The following GRIN2A variants were observed in gnomAD, a reference collection of about 807,000 sequenced individuals.
The protein encoded by GRIN2A is glutamate receptor ionotropic, NMDA 2A.
GRIN2A carries 22 observed loss-of-function variants against 113.4 expected under a neutral mutation model. The observed-to-expected ratio is 0.19, with a 90% CI of 0.14 to 0.28. GRIN2A has a LOEUF of 0.28. Among genes scored for constraint, GRIN2A ranks in the 10% least tolerant of loss-of-function variants. The pLI is 1.00. For synonymous variants in GRIN2A, 827 were observed against 738.4 expected (o/e 1.12, Z -1.94); for missense variants, 1,502 against 1,887.0 (o/e 0.80, Z 3.78).
intron 2 of GRIN2A, among the ~76,000 whole-genome samples, chr16:10,145,310 G>C (rs1327581591): frequency 6.6e-6 from 1 of 152,122 alleles, no homozygotes; most frequent in South Asian, 2.1e-4. Flanking sequence ...TCTTAAGAGA[G>C]ATCTCATCTC....
rs746978701 is a variant in GRIN2A at position 9,768,909 on chromosome 16, C to T, written c.2537G>A (p.Arg846His). The change falls in exon 12 of 13, where the codon CGC becomes CAC. Residue 846 changes from arginine to histidine, a missense_variant. By Grantham distance (29) the Arg-to-His change is conservative (BLOSUM62 0). Around this residue, in one of 7 missense-constraint regions of GRIN2A, gnomAD observed 832 missense variants for 789.7 expected, o/e 1.05. Coordinates refer to ENST00000330684, the MANE Select transcript of GRIN2A (RefSeq NM_001134407.3). Reference sequence around the variant, plus strand: ...GGAGCACACGCCCGTGAAACAGAAGCGCAGCTTCCAGTAGAAGAGGTGCTC... The same window carrying T: ...GGAGCACACGCCCGTGAAACAGAAGTGCAGCTTCCAGTAGAAGAGGTGCTC... ...IWEHLFYWKL[R>H]FCFTGVCSDR... The T allele has an allele frequency of 3.7e-6, 6 of 1,614,172 alleles. No individual in the cohort carries two copies. The highest frequency in any genetic ancestry group is 4.2e-6 in the Non-Finnish European group (5 of 1,180,008).
chr16:9,845,108 C>T (rs147831675), intron 5 of GRIN2A, among the ~76,000 whole-genome samples: 9 of 152,190 alleles, frequency 5.9e-5, no homozygotes, highest in East Asian at 5.8e-4. Flanking sequence ...ATTGCTCTCA[C>T]GAGTCAGACT....
intron 2 of GRIN2A, among the ~76,000 whole-genome samples, chr16:10,068,081 G>C (rs28465345): frequency 1.3e-5 from 2 of 152,196 alleles, no homozygotes; most frequent in Non-Finnish European, 2.9e-5. Flanking sequence ...CATAGCAGCT[G>C]TTTCCATGAA....
intron 2 of GRIN2A, among the ~76,000 whole-genome samples, chr16:10,083,282 C>A (rs917400952): frequency 6.6e-6 from 1 of 152,216 alleles, no homozygotes; most frequent in Non-Finnish European, 1.5e-5. Flanking sequence ...TTTCTTCCAA[C>A]CGCAGACTCC....
At chr16:10,167,846 G>C (rs1028536986) in intron 2 of GRIN2A, among the ~76,000 whole-genome samples, 3 of 152,166 alleles carry the variant, frequency 2.0e-5, no homozygotes, top group Admixed American at 2.0e-4. Flanking sequence ...GGGGGGATGT[G>C]GGGGAATAGG....
At chr16:9,884,625 T>C (rs1221932252) in intron 4 of GRIN2A, among the ~76,000 whole-genome samples, 4 of 151,626 alleles carry the variant, frequency 2.6e-5, no homozygotes, top group Non-Finnish European at 5.9e-5. Context: ...TCTCAAAGCA[T>C]TTTTTTTCAG....
chr16:9,813,189 T>A (rs1428399372), intron 10 of GRIN2A, among the ~76,000 whole-genome samples: 1 of 152,232 alleles, frequency 6.6e-6, no homozygotes, highest in African/African-American at 2.4e-5. Flanking sequence ...AATTAATTAA[T>A]ATTCCTCTAG....
Position 9,867,705 on chromosome 16 carries a change from C to T in GRIN2A, c.1123-17744G>A, listed in dbSNP as rs990192162. Among the ~76,000 whole-genome samples, 3 of 152,204 alleles carry T rather than the reference C, an allele frequency of 2.0e-5. No homozygotes were observed. The East Asian group carries it at 5.8e-4, about 29-fold the overall frequency. ...CTGCCCTAGACTGTCAGGACACTAC[C>T]ATTACCCAACTGTTTCCCACCTCGT... is the stretch of plus-strand genomic sequence containing the variant. On this transcript the variant is annotated intron_variant, in intron 4 of 12. Coordinates refer to ENST00000330684, the MANE Select transcript of GRIN2A (RefSeq NM_001134407.3).
intron 5 of GRIN2A, among the ~76,000 whole-genome samples, chr16:9,844,319 T>C (rs538257878): frequency 5.9e-5 from 9 of 152,278 alleles, no homozygotes; most frequent in Admixed American, 1.3e-4. Flanking sequence ...ACTAAGTGCC[T>C]ACTGTGCACA....
intron 2 of GRIN2A, among the ~76,000 whole-genome samples, chr16:10,049,446 C>T (rs886231653): frequency 1.3e-4 from 19 of 151,778 alleles, no homozygotes; most frequent in Admixed American, 9.8e-4. Context: ...GGTGCGATCT[C>T]GGCTCACTGT....
rs572085042 is a variant in GRIN2A, at chr16:9,890,927, C to A, written c.1122+59G>T. Reference sequence around the variant, plus strand: ...CGTGGGAGAAAGAAGCACTGTGAGCCCCTTTATTGCCCATGCTTTCTTCCC... The same window carrying A: ...CGTGGGAGAAAGAAGCACTGTGAGCACCTTTATTGCCCATGCTTTCTTCCC... On this transcript the variant is annotated intron_variant, in intron 4 of 12. Transcript: ENST00000330684. 1.1e-5 allele frequency: 11 copies of A among 1,013,312 alleles called. No individual in the cohort carries two copies. In the East Asian group the frequency reaches 2.6e-4, roughly 24 times the overall value. The allele number at this position is 1,013,312 out of a possible 1,614,324, so 62.8% of individuals were successfully genotyped here.
chr16:9,923,820 T>C (rs1424313397), intron 3 of GRIN2A, among the ~76,000 whole-genome samples: 1 of 150,762 alleles, frequency 6.6e-6, no homozygotes, highest in East Asian at 1.9e-4. Context: ...TAAAATGATT[T>C]CATTGTTTAA....
At chr16:9,828,542 A>C (rs527605489) in intron 9 of GRIN2A, among the ~76,000 whole-genome samples, 10 of 152,346 alleles carry the variant, frequency 6.6e-5, no homozygotes, top group African/African-American at 2.4e-4. Context: ...AATTATCCCC[A>C]CACACAGAAC....
At chr16:9,920,715 C>A (rs1053623432) in intron 3 of GRIN2A, among the ~76,000 whole-genome samples, 1 of 151,960 alleles carries the variant, frequency 6.6e-6, no homozygotes, top group Non-Finnish European at 1.5e-5. Flanking sequence ...TACAGGTGCA[C>A]GCCACCACTC....
rs1900329730 is a variant in GRIN2A, at chr16:9,755,822, A to G, written c.*7327T>C. 9.9e-6 allele frequency: 2 copies of G among 202,232 alleles called. No individual in the cohort carries two copies. Among genetic ancestry groups the G allele is most frequent in the Admixed American group, 1.2e-4 (2 of 16,706 alleles). The allele number at this position is 202,232 out of a possible 1,614,324, so 12.5% of individuals were successfully genotyped here. A position where few individuals can be genotyped will look rare whatever the true frequency, so the allele number is the denominator to read the frequency against. On this transcript the variant is annotated 3_prime_UTR_variant, in exon 13 of 13. Coordinates refer to ENST00000330684, the MANE Select transcript of GRIN2A (RefSeq NM_001134407.3). ...ACCGTCATTATCCTAATGCTAAGTG[A>G]GCCGGGAATTATCTCTAAGACAATT...
chr16:9,822,519 T>G, intron 9 of GRIN2A, 95 bp from the exon 10 acceptor site: 1 of 859,666 alleles, frequency 1.2e-6, no homozygotes, highest in Non-Finnish European at 2.0e-6. Flanking sequence ...GTGATCATTT[T>G]GTCTGGTGTT....
intron 4 of GRIN2A, among the ~76,000 whole-genome samples, chr16:9,886,323 GA>G (rs1369381352): frequency 6.6e-6 from 1 of 152,154 alleles, no homozygotes; most frequent in East Asian, 1.9e-4. Flanking sequence ...ATCAGGATTT[GA>G]AAGATGGATA....
In GRIN2A at chr16:9,853,800, T is replaced by G. The variant is rs2042923264; in HGVS notation, c.1123-3839A>C. Among the ~76,000 whole-genome samples the G allele has an allele frequency of 2.6e-5, 4 of 152,278 alleles. No homozygotes were observed. In the South Asian group the frequency reaches 8.3e-4, roughly 32 times the overall value. ...ATAATGAACCTCCGTATTCCCAATGTCCAGCTTCAATAATTAGTACTCATG... is the reference window on the plus strand; with the variant it reads ...ATAATGAACCTCCGTATTCCCAATGGCCAGCTTCAATAATTAGTACTCATG... On this transcript the variant is annotated intron_variant, in intron 4 of 12. Coordinates refer to ENST00000330684, the MANE Select transcript of GRIN2A (RefSeq NM_001134407.3).
At chr16:10,051,734 A>T (rs180827908) in intron 2 of GRIN2A, among the ~76,000 whole-genome samples, 2 of 152,264 alleles carry the variant, frequency 1.3e-5, no homozygotes, top group East Asian at 3.9e-4. Context: ...CGGTCACCAG[A>T]GCATGCCAGG....
Sources: gnomAD v4.1 joint callset for allele counts (sites outside exome capture counted in the v4.1 genomes callset) on GRCh38, gnomAD v4.1.1 for gene constraint, gnomAD v4.1.1 regional missense constraint, MANE v1.5 for transcripts, NCBI Gene and HGNC (gene_info 2026-07-23, HGNC 2026-07-21) for gene names.